COL28A1: variants seen among roughly 807,000 people sequenced by gnomAD.
COL28A1 encodes the protein collagen alpha-1(XXVIII) chain.
COL28A1 carries 161 observed loss-of-function variants against 150.2 expected under a neutral mutation model. The observed-to-expected ratio is 1.07, with a 90% confidence interval of 0.94 to 1.22. The LOEUF (loss-of-function observed/expected upper bound fraction) is 1.22, where lower values mean the gene tolerates loss of function less well. Ranked by LOEUF, COL28A1 falls within the 50% of genes most tolerant of loss-of-function variation. The probability of loss-of-function intolerance (pLI) is 0.00; values close to 1 mark genes in which losing one functional copy is unlikely to be tolerated. For synonymous variants in COL28A1, 552 were observed against 469.7 expected (o/e 1.18, Z -2.26); for missense variants, 1,617 against 1,388.3 (o/e 1.16, Z -2.62).
At position 7,511,975 on chromosome 7, in the gene COL28A1, G is replaced by A. The variant is rs10257117; in HGVS notation, c.883-840C>T. ...ATCCAATTTTATAGATTAAAATTTT[G>A]TAATTAAGAAGGTTAAGTAAAGAGA... On this transcript the variant is annotated intron_variant, in intron 8 of 34. Transcript: ENST00000399429. 2,378 of 319,432 alleles carry A rather than the reference G, an allele frequency of 7.4e-3. 63 individuals carry two copies. Among genetic ancestry groups the A allele is most frequent in the African/African-American group, 0.048 (2,178 of 45,288 alleles). The allele number at this position is 319,432 out of a possible 1,614,324, so 19.8% of individuals were successfully genotyped here.
intron 9 of COL28A1, among the ~76,000 whole-genome samples, chr7:7,507,753 G>T (rs1335904785): frequency 2.0e-5 from 3 of 151,232 alleles, no homozygotes; most frequent in African/African-American, 7.3e-5. Context: ...GTTAACAATT[G>T]ACACACTTTG....
chr7:7,477,668 C>G (rs1789015337), intron 13 of COL28A1, among the ~76,000 whole-genome samples: 1 of 152,158 alleles, frequency 6.6e-6, no homozygotes, highest in South Asian at 2.1e-4. Flanking sequence ...AGCTGCAGAC[C>G]TTCGCAGTGA....
intron 26 of COL28A1, 45 bp from the exon 27 acceptor site, chr7:7,417,972 C>A (rs543619012): frequency 2.0e-6 from 3 of 1,515,978 alleles, no homozygotes; most frequent in East Asian, 2.3e-5. Flanking sequence ...GTAAGAAGAT[C>A]GAAGAAGAAA....
chr7:7,541,173 G>A, the COL28A1 span, among the ~76,000 whole-genome samples: 1 of 151,980 alleles, frequency 6.6e-6, no homozygotes, highest in East Asian at 1.9e-4. Flanking sequence ...AAGGTAATAG[G>A]GTCATCTGTT....
At chr7:7,505,496 A>G (rs1780758553) in intron 11 of COL28A1, among the ~76,000 whole-genome samples, 1 of 152,166 alleles carries the variant, frequency 6.6e-6, no homozygotes, top group African/African-American at 2.4e-5. Flanking sequence ...CGTGGCTTGT[A>G]TTCAACCCCT....
rs1583258237 is a variant in COL28A1 at position 7,383,284 on chromosome 7, G to A, written c.2137-1672C>T. ...TGTGTGTGTGTGTGTGTGTGTGTGT[G>A]TGTGTTTTTTTTGAGACAGAGTCTC... is the stretch of plus-strand genomic sequence containing the variant. On this transcript the variant is annotated intron_variant, in intron 27 of 34. Coordinates refer to ENST00000399429, the MANE Select transcript of COL28A1 (RefSeq NM_001037763.3). Among the ~76,000 whole-genome samples, 2 of 115,684 alleles carry A rather than the reference G, an allele frequency of 1.7e-5. 1 individual carries two copies. The highest frequency in any genetic ancestry group is 5.7e-4 in the South Asian group (2 of 3,498). The allele number at this position is 115,684 out of a possible 152,430, so 75.9% of individuals were successfully genotyped here.
chr7:7,451,287 G>A (rs551735141), intron 18 of COL28A1, among the ~76,000 whole-genome samples: 281 of 151,570 alleles, frequency 1.9e-3, no homozygotes, highest in Middle Eastern at 3.4e-3. Context: ...GTGCAGTGGC[G>A]CGATCTCAGC....
At chr7:7,450,827 A>G (rs1250693820) in intron 18 of COL28A1, among the ~76,000 whole-genome samples, 1 of 152,234 alleles carries the variant, frequency 6.6e-6, no homozygotes, top group Non-Finnish European at 1.5e-5. Context: ...ATTTTCATAC[A>G]GTGGAATACT....
chr7:7,451,328 T>C (rs766046300), intron 18 of COL28A1, among the ~76,000 whole-genome samples: 180 of 152,012 alleles, frequency 1.2e-3, no homozygotes, highest in Admixed American at 3.1e-3. Context: ...TGAGTTCAAG[T>C]GGTTCTCCCG....
chr7:7,538,172 A>G (rs1415484494), upstream of COL28A1, among the ~76,000 whole-genome samples: 5 of 152,208 alleles, frequency 3.3e-5, no homozygotes, highest in Admixed American at 3.3e-4. Flanking sequence ...AGTTTCATCA[A>G]TCTATAAAAG....
intron 25 of COL28A1, chr7:7,431,795 G>T (rs757562323): frequency 4.4e-5 from 13 of 292,578 alleles, no homozygotes; most frequent in Non-Finnish European, 7.1e-5. Context: ...TACAGCCCAC[G>T]TAAGAGATGA....
intron 4 of COL28A1, among the ~76,000 whole-genome samples, chr7:7,523,109 TAAG>T (rs1781828655): frequency 6.6e-6 from 1 of 151,950 alleles, no homozygotes; most frequent in East Asian, 1.9e-4. Context: ...GTGCAATTAA[TAAG>T]AAGACACTGT....
At chr7:7,341,728 G>A in the COL28A1 span, among the ~76,000 whole-genome samples, 1 of 152,080 alleles carries the variant, frequency 6.6e-6, no homozygotes. Context: ...TTTTAGAAAT[G>A]TGTTTCTTCA....
chr7:7,425,565 T>C (rs1282138733), intron 25 of COL28A1, among the ~76,000 whole-genome samples: 5 of 152,222 alleles, frequency 3.3e-5, no homozygotes, highest in African/African-American at 7.2e-5. Context: ...AATGTGTTAA[T>C]TGACTTCATT....
the COL28A1 span, among the ~76,000 whole-genome samples, chr7:7,348,118 G>C: frequency 6.6e-6 from 1 of 152,082 alleles, no homozygotes; most frequent in Non-Finnish European, 1.5e-5. Context: ...GTGAGTTATA[G>C]AAAGGGGGAG....
intron 15 of COL28A1, among the ~76,000 whole-genome samples, chr7:7,474,104 TCA>T (rs960518530): frequency 7.1e-6 from 1 of 141,808 alleles, no homozygotes; most frequent in Admixed American, 6.9e-5. Flanking sequence ...GGAATACTAC[TCA>T]GTCATAAAAA....
At chr7:7,424,680 C>G (rs1294230839) in intron 25 of COL28A1, among the ~76,000 whole-genome samples, 1 of 152,056 alleles carries the variant, frequency 6.6e-6, no homozygotes, top group Non-Finnish European at 1.5e-5. Context: ...CCTAAGATGA[C>G]AGTCTTAGCC....
intron 11 of COL28A1, among the ~76,000 whole-genome samples, chr7:7,499,930 A>G (rs757621052): frequency 6.6e-6 from 1 of 152,236 alleles, no homozygotes; most frequent in Non-Finnish European, 1.5e-5. Flanking sequence ...AGAAAATGTA[A>G]GACTCTAAGT....
At chr7:7,463,080 G>T (rs1787769515) in intron 15 of COL28A1, among the ~76,000 whole-genome samples, 1 of 151,890 alleles carries the variant, frequency 6.6e-6, no homozygotes, top group Non-Finnish European at 1.5e-5. Flanking sequence ...TGAGGAAGAA[G>T]AGAAATCTAA....
Sources: allele counts gnomAD v4.1 joint callset (sites outside exome capture counted in the v4.1 genomes callset), GRCh38; gene constraint gnomAD v4.1.1; transcripts MANE v1.5; gene names NCBI Gene and HGNC (gene_info 2026-07-23, HGNC 2026-07-21).